The following ZNF804A variants were observed in gnomAD, a reference collection of about 807,000 sequenced individuals.
ZNF804A encodes zinc finger protein 804A.
ZNF804A carries 2 observed loss-of-function variants against 16.5 expected under a neutral mutation model. The ratio of observed to expected loss-of-function variants is 0.12; its 90% CI spans 0.05 to 0.38. The LOEUF (loss-of-function observed/expected upper bound fraction) is 0.38, where lower values mean the gene tolerates loss of function less well. Among genes scored for constraint, ZNF804A ranks in the 10% least tolerant of loss-of-function variants. The pLI is 0.99. For missense variants in ZNF804A, 1,473 were observed against 1,390.7 expected (o/e 1.06, Z -0.94); for synonymous variants, 534 against 489.6 (o/e 1.09, Z -1.20).
chr2:184,692,143 TTATAAA>T (rs1381504179), intron 1 of ZNF804A, among the ~76,000 whole-genome samples: 1 of 152,184 alleles, frequency 6.6e-6, no homozygotes, highest in African/African-American at 2.4e-5. Flanking sequence ...ATATGTGTCT[TTATAAA>T]TATTAACTAG....
chr2:184,885,979 C>T (rs11894088), intron 2 of ZNF804A, among the ~76,000 whole-genome samples: 1 of 151,764 alleles, frequency 6.6e-6, no homozygotes, highest in Non-Finnish European at 1.5e-5. Flanking sequence ...CCTTTCCAAC[C>T]GTCTCCTGAA....
chr2:184,631,566 C>A (rs530653127), intron 1 of ZNF804A, among the ~76,000 whole-genome samples: 1 of 152,088 alleles, frequency 6.6e-6, no homozygotes, highest in African/African-American at 2.4e-5. Flanking sequence ...ACAACCCGGA[C>A]AACACTGGCA....
At chr2:184,742,906 A>C (rs1465982843) in intron 1 of ZNF804A, among the ~76,000 whole-genome samples, 1 of 151,930 alleles carries the variant, frequency 6.6e-6, no homozygotes, top group Non-Finnish European at 1.5e-5. Context: ...TTGTAAATAA[A>C]CACATAAAAA....
intron 1 of ZNF804A, among the ~76,000 whole-genome samples, chr2:184,692,366 C>T (rs1360125217): frequency 2.0e-5 from 3 of 152,166 alleles, no homozygotes. Flanking sequence ...TCCCAGGAGA[C>T]TTTATTCACA....
intron 1 of ZNF804A, among the ~76,000 whole-genome samples, chr2:184,627,424 A>G (rs1016626220): frequency 6.6e-6 from 1 of 152,228 alleles, no homozygotes; most frequent in Non-Finnish European, 1.5e-5. Flanking sequence ...ATACAGAAAC[A>G]TTTTGTTACT....
intron 1 of ZNF804A, among the ~76,000 whole-genome samples, chr2:184,716,900 T>C (rs945007361): frequency 1.3e-5 from 2 of 152,164 alleles, no homozygotes; most frequent in Non-Finnish European, 2.9e-5. Flanking sequence ...TGTCAGATTT[T>C]CTTTTTGTAC....
chr2:184,880,067 C>T (rs1021259439), intron 2 of ZNF804A, among the ~76,000 whole-genome samples: 4 of 152,004 alleles, frequency 2.6e-5, no homozygotes, highest in African/African-American at 4.8e-5. Flanking sequence ...CTTCAGCTGA[C>T]ACAGGATGCC....
rs1326841290 is a variant in ZNF804A at position 184,604,103 on chromosome 2, C to T, written c.111+5033C>T. 3.6e-5 allele frequency among the ~76,000 whole-genome samples: 5 copies of T among 140,032 alleles called. No homozygotes were observed. In the East Asian group the frequency reaches 8.9e-4, roughly 25 times the overall value. 91.9% of individuals were successfully genotyped at this position (140,032 alleles called of 152,430 possible). A position where few individuals can be genotyped will look rare whatever the true frequency, so the allele number is the denominator to read the frequency against. On this transcript the variant is annotated intron_variant, in intron 1 of 3. Transcript: ENST00000302277. Reference sequence around the variant, plus strand: ...ATAGCGATATAATGTCTTGACTTCTCACTTCTGCACCAATAGTTTCAGGTT... The same window carrying T: ...ATAGCGATATAATGTCTTGACTTCTTACTTCTGCACCAATAGTTTCAGGTT...
chr2:184,907,096 C>G (rs1370638902), intron 2 of ZNF804A, among the ~76,000 whole-genome samples: 1 of 152,108 alleles, frequency 6.6e-6, no homozygotes, highest in African/African-American at 2.4e-5. Flanking sequence ...AGATGAGAAC[C>G]CAGTCTTTGA....
chr2:184,900,037 T>C (rs955283450), intron 2 of ZNF804A, among the ~76,000 whole-genome samples: 1 of 152,092 alleles, frequency 6.6e-6, no homozygotes, highest in Non-Finnish European at 1.5e-5. Context: ...ATAATAAAAA[T>C]TATAATTCAG....
At chr2:184,856,595 T>C (rs1372306954) in intron 1 of ZNF804A, among the ~76,000 whole-genome samples, 2 of 152,136 alleles carry the variant, frequency 1.3e-5, no homozygotes, top group Non-Finnish European at 2.9e-5. Context: ...CAGTTGCGTA[T>C]AAATTCAGAA....
chr2:184,660,319 T>C (rs1692150149), intron 1 of ZNF804A, among the ~76,000 whole-genome samples: 1 of 152,234 alleles, frequency 6.6e-6, no homozygotes, highest in Non-Finnish European at 1.5e-5. Flanking sequence ...TCTTGCCAGC[T>C]ACTTTTAAAG....
At chr2:184,852,464 C>A (rs1420635817) in intron 1 of ZNF804A, among the ~76,000 whole-genome samples, 1 of 110,774 alleles carries the variant, frequency 9.0e-6, no homozygotes, top group Admixed American at 9.2e-5. Flanking sequence ...TTTGACTATG[C>A]TTTTTTTTTT....
intron 2 of ZNF804A, among the ~76,000 whole-genome samples, chr2:184,887,685 T>A (rs1382139204): frequency 1.3e-5 from 2 of 152,134 alleles, no homozygotes; most frequent in Admixed American, 1.3e-4. Flanking sequence ...ACCCATCAGA[T>A]CTTGTGAGAC....
intron 1 of ZNF804A, among the ~76,000 whole-genome samples, chr2:184,747,856 T>C (rs1003940974): frequency 6.6e-6 from 1 of 151,324 alleles, no homozygotes. Context: ...TGCTCTCTTC[T>C]ATATGTGCTC....
intron 1 of ZNF804A, among the ~76,000 whole-genome samples, chr2:184,737,590 T>C (rs925824135): frequency 5.9e-5 from 9 of 152,206 alleles, no homozygotes; most frequent in Non-Finnish European, 1.3e-4. Context: ...CTTGCTGACC[T>C]ATTTACTTGA....
At chr2:184,884,558 G>A (rs1190523453) in intron 2 of ZNF804A, among the ~76,000 whole-genome samples, 1 of 151,842 alleles carries the variant, frequency 6.6e-6, no homozygotes, top group Non-Finnish European at 1.5e-5. Context: ...AAACTACACT[G>A]TAAAACTATG....
intron 1 of ZNF804A, among the ~76,000 whole-genome samples, chr2:184,757,609 A>G (rs576007191): frequency 6.6e-6 from 1 of 152,096 alleles, no homozygotes; most frequent in Admixed American, 6.6e-5. Flanking sequence ...TTATAACACA[A>G]TGCAATCAAA....
At chr2:184,836,679 G>A (rs1695350891) in intron 1 of ZNF804A, among the ~76,000 whole-genome samples, 2 of 141,456 alleles carry the variant, frequency 1.4e-5, no homozygotes, top group South Asian at 4.3e-4. Flanking sequence ...TGCTTTGTGT[G>A]TGTGTATATA....
Sources: gnomAD v4.1 joint callset for allele counts (sites outside exome capture counted in the v4.1 genomes callset) on GRCh38, gnomAD v4.1.1 for gene constraint, MANE v1.5 for transcripts, NCBI Gene and HGNC (gene_info 2026-07-23, HGNC 2026-07-21) for gene names.